SORCS3: variants seen among roughly 807,000 people sequenced by gnomAD.
SORCS3 encodes the protein sortilin related VPS10 domain containing receptor 3, also known as VPS10 domain-containing receptor SorCS3.
Under a neutral mutation model 146.3 loss-of-function variants are expected in SORCS3, and 57 were observed. The ratio of observed to expected loss-of-function variants is 0.39; its 90% CI spans 0.31 to 0.49. The LOEUF (loss-of-function observed/expected upper bound fraction) is 0.49, where lower values mean the gene tolerates loss of function less well. SORCS3 is among the 20% of genes least tolerant of loss of function. SORCS3 has a pLI of 0.92. For missense variants in SORCS3, 1,341 were observed against 1,575.5 expected, an observed-to-expected ratio of 0.85 and a Z score of 2.52; for synonymous variants, 653 against 618.5, an observed-to-expected ratio of 1.06 and a Z score of -0.83.
intron 6 of SORCS3, among the ~76,000 whole-genome samples, chr10:105,103,900 C>T (rs1446307008): frequency 1.3e-5 from 2 of 152,064 alleles, no homozygotes; most frequent in African/African-American, 2.4e-5. Context: ...TGAGTAAACC[C>T]CTTCCTAGAC....
chr10:105,112,763 C>T (rs972939369), intron 7 of SORCS3, among the ~76,000 whole-genome samples: 2 of 152,032 alleles, frequency 1.3e-5, no homozygotes, highest in East Asian at 1.9e-4. Context: ...AAAGGGGATC[C>T]GTGTAGAGGC....
intron 1 of SORCS3, among the ~76,000 whole-genome samples, chr10:104,771,032 C>T (rs2017243372): frequency 6.6e-6 from 1 of 152,158 alleles, no homozygotes; most frequent in Non-Finnish European, 1.5e-5. Context: ...CAGTTCATCT[C>T]AGTTCAGACT....
intron 1 of SORCS3, among the ~76,000 whole-genome samples, chr10:104,649,576 A>G (rs561890128): frequency 6.6e-6 from 1 of 152,366 alleles, no homozygotes; most frequent in South Asian, 2.1e-4. Flanking sequence ...GCTAGAACCC[A>G]GTTCTCATCA....
At chr10:105,017,342 A>C (rs529878304) in intron 4 of SORCS3, among the ~76,000 whole-genome samples, 40 of 152,206 alleles carry the variant, frequency 2.6e-4, no homozygotes, top group Non-Finnish European at 5.3e-4. Context: ...AAAGAATAGG[A>C]AGGTGGTTTC....
chr10:104,969,303 TTGTG>T (rs59557629), intron 3 of SORCS3, among the ~76,000 whole-genome samples: 13,491 of 140,408 alleles, frequency 0.096, 770 homozygotes, highest in African/African-American at 0.17. Context: ...TCAAAAAGGA[TTGTG>T]TGTGTGTGTG....
chr10:104,676,129 G>A (rs2015910301), intron 1 of SORCS3, among the ~76,000 whole-genome samples: 2 of 151,680 alleles, frequency 1.3e-5, no homozygotes, highest in South Asian at 4.2e-4. Context: ...TCTTTAAATT[G>A]GATTTTCATT....
At chr10:104,908,659 G>C (rs1488152395) in intron 2 of SORCS3, among the ~76,000 whole-genome samples, 1 of 152,174 alleles carries the variant, frequency 6.6e-6, no homozygotes, top group East Asian at 1.9e-4. Context: ...AAATTCATTT[G>C]TGACTGTTCT....
chr10:104,832,779 G>A (rs2018016074), intron 1 of SORCS3, among the ~76,000 whole-genome samples: 1 of 152,100 alleles, frequency 6.6e-6, no homozygotes, highest in South Asian at 2.1e-4. Context: ...TTTGCCTCTT[G>A]GTGACAGTTC....
intron 3 of SORCS3, among the ~76,000 whole-genome samples, chr10:104,976,978 G>A (rs1346279167): frequency 1.3e-5 from 2 of 151,902 alleles, no homozygotes; most frequent in East Asian, 3.9e-4. Context: ...GTTAATGGGT[G>A]CAGCACACCA....
intron 7 of SORCS3, among the ~76,000 whole-genome samples, chr10:105,111,293 A>C (rs927785671): frequency 2.6e-5 from 4 of 152,198 alleles, no homozygotes; most frequent in Non-Finnish European, 4.4e-5. Context: ...ACTAAGCTCC[A>C]ATGCAGTTCT....
At chr10:104,983,207 G>A (rs1056879698) in intron 4 of SORCS3, among the ~76,000 whole-genome samples, 4 of 152,040 alleles carry the variant, frequency 2.6e-5, no homozygotes, top group African/African-American at 7.2e-5. Context: ...TGCCATGTTA[G>A]TCAGGCTGGT....
chr10:105,138,151 A>G (rs1275655673), intron 7 of SORCS3, among the ~76,000 whole-genome samples: 1 of 152,226 alleles, frequency 6.6e-6, no homozygotes, highest in Admixed American at 6.5e-5. Flanking sequence ...GATCAGGGTG[A>G]AAACCAGTCT....
chr10:105,052,878 G>A (rs867442197), intron 5 of SORCS3, among the ~76,000 whole-genome samples: 1 of 152,098 alleles, frequency 6.6e-6, no homozygotes, highest in Non-Finnish European at 1.5e-5. Context: ...GAGGAAATCT[G>A]TTATTGTTCT....
chr10:104,816,878 T>G (rs1386083603), intron 1 of SORCS3, among the ~76,000 whole-genome samples: 4 of 152,202 alleles, frequency 2.6e-5, no homozygotes, highest in Non-Finnish European at 4.4e-5. Flanking sequence ...CTTCTACTTG[T>G]TCCATCCTTC....
At chr10:104,771,008 A>C (rs2017243169) in intron 1 of SORCS3, among the ~76,000 whole-genome samples, 1 of 152,200 alleles carries the variant, frequency 6.6e-6, no homozygotes, top group South Asian at 2.1e-4. Context: ...AAACTGGTGC[A>C]TATTTTGCAC....
intron 3 of SORCS3, among the ~76,000 whole-genome samples, chr10:104,969,639 T>C (rs1051425712): frequency 2.6e-5 from 4 of 152,140 alleles, no homozygotes; most frequent in Non-Finnish European, 5.9e-5. Flanking sequence ...GATGAGAATG[T>C]CAGAGAAAGG....
At chr10:104,725,667 C>T (rs969768817) in intron 1 of SORCS3, among the ~76,000 whole-genome samples, 13 of 152,218 alleles carry the variant, frequency 8.5e-5, no homozygotes, top group Admixed American at 2.6e-4. Flanking sequence ...ACTCAAGCCT[C>T]GGCAATGGCG....
rs549917690 is a variant in SORCS3 at position 105,146,159 on chromosome 10, GT to G, written c.1303-1453del. Reference sequence around the variant, plus strand: ...GCATATACACCAGTATGTTTATGCAGTTTTTAACTCCTTCCATTTTTTGGCA... The same window carrying G: ...GCATATACACCAGTATGTTTATGCAGTTTTAACTCCTTCCATTTTTTGGCA... On this transcript the variant is annotated intron_variant, in intron 8 of 26. Transcript: ENST00000369701. Among the ~76,000 whole-genome samples the G allele has an allele frequency of 2.9e-3, 443 of 152,178 alleles. 1 individual carries two copies. Among genetic ancestry groups the G allele is most frequent in the Middle Eastern group, 6.8e-3 (2 of 294 alleles).
At chr10:104,815,628 G>A (rs75870486) in intron 1 of SORCS3, among the ~76,000 whole-genome samples, 102 of 151,972 alleles carry the variant, frequency 6.7e-4, no homozygotes, top group Non-Finnish European at 1.3e-3. Flanking sequence ...CATGGGAAAT[G>A]CACCCATGTG....
Sources: allele counts gnomAD v4.1 joint callset (sites outside exome capture counted in the v4.1 genomes callset), GRCh38; gene constraint gnomAD v4.1.1; transcripts MANE v1.5; gene names NCBI Gene and HGNC (gene_info 2026-07-23, HGNC 2026-07-21).